The following CORIN variants were observed in gnomAD, a reference collection of about 807,000 sequenced individuals.
CORIN encodes the protein atrial natriuretic peptide-converting enzyme.
Under a neutral mutation model 125.3 loss-of-function variants are expected in CORIN, and 117 were observed. The ratio of observed to expected loss-of-function variants is 0.93; its 90% CI spans 0.80 to 1.09. CORIN has a LOEUF of 1.09. Ranked by LOEUF, CORIN falls within the 50% of genes least tolerant of loss-of-function variation. The probability of loss-of-function intolerance (pLI) is 0.00; values close to 1 mark genes in which losing one functional copy is unlikely to be tolerated. For missense variants in CORIN, 1,253 were observed against 1,306.7 expected (o/e 0.96, Z 0.63); for synonymous variants, 450 against 466.4 (o/e 0.96, Z 0.45).
chr4:47,724,408 T>C (rs181730666), intron 5 of CORIN, among the ~76,000 whole-genome samples: 1 of 152,076 alleles, frequency 6.6e-6, no homozygotes, highest in African/African-American at 2.4e-5. Flanking sequence ...AGGTCCAATA[T>C]TGATGTCATT....
At chr4:47,746,922 T>C (rs1326719105) in intron 4 of CORIN, among the ~76,000 whole-genome samples, 1 of 152,134 alleles carries the variant, frequency 6.6e-6, no homozygotes, top group Non-Finnish European at 1.5e-5. Context: ...CCTACAAATG[T>C]GCATTGAATC....
intron 5 of CORIN, among the ~76,000 whole-genome samples, chr4:47,716,875 C>T (rs6857694): frequency 0.098 from 14,962 of 152,006 alleles, 867 homozygotes; most frequent in East Asian, 0.27. Context: ...CACTTTCATA[C>T]TGTTAAAAAT....
intron 4 of CORIN, among the ~76,000 whole-genome samples, chr4:47,755,657 G>C (rs1729101890): frequency 6.6e-6 from 1 of 152,126 alleles, no homozygotes; most frequent in Admixed American, 6.5e-5. Flanking sequence ...TTTAGTATCT[G>C]TTAGCTGGTT....
intron 5 of CORIN, among the ~76,000 whole-genome samples, chr4:47,715,435 C>T (rs1199892824): frequency 6.6e-6 from 1 of 151,684 alleles, no homozygotes; most frequent in Non-Finnish European, 1.5e-5. Flanking sequence ...GGCGAAACCT[C>T]GTCTCTACTA....
rs542734726 is a variant in CORIN, at chr4:47,740,750, AAGAT to A, written c.799+3648_799+3651del. 6.6e-5 allele frequency among the ~76,000 whole-genome samples: 10 copies of A among 152,062 alleles called. No individual in the cohort carries two copies. The South Asian group carries it at 1.4e-3, about 22-fold the overall frequency. On this transcript the variant is annotated intron_variant, in intron 5 of 21. Coordinates refer to ENST00000273857, the MANE Select transcript of CORIN (RefSeq NM_006587.4). ...GTATTGCAAACTGTGGTAATCAAGA[AAGAT>A]AGATAGATCAATAAAAAATAATTGA...
At chr4:47,690,977 C>A (rs1725739060) in intron 6 of CORIN, among the ~76,000 whole-genome samples, 1 of 152,188 alleles carries the variant, frequency 6.6e-6, no homozygotes, top group South Asian at 2.1e-4. Flanking sequence ...ACCAAAAGAT[C>A]ATTTTTGTGA....
chr4:47,773,924 C>A (rs1730174660), intron 3 of CORIN, among the ~76,000 whole-genome samples: 1 of 151,324 alleles, frequency 6.6e-6, no homozygotes, highest in Non-Finnish European at 1.5e-5. Flanking sequence ...TTATTATATA[C>A]CTTTTGGGGA....
intron 2 of CORIN, among the ~76,000 whole-genome samples, chr4:47,789,741 C>T (rs933884845): frequency 6.6e-6 from 1 of 152,160 alleles, no homozygotes; most frequent in Admixed American, 6.5e-5. Flanking sequence ...TGCTAAGAGG[C>T]CGGGCGCGGT....
In CORIN at chr4:47,757,867, C is replaced by CATATATTATGT. The variant is rs1453930155; in HGVS notation, c.617+5511_617+5512insACATAATATAT. On this transcript the variant is annotated intron_variant, in intron 4 of 21. Transcript: ENST00000273857. ...TGAAATGAGTTTACACATATATATACATATATATATGTATATATATATATA... is the reference window on the plus strand; with the variant it reads ...TGAAATGAGTTTACACATATATATACATATATTATGTATATATATATGTATATATATATATA... Among the ~76,000 whole-genome samples, 101 of 91,728 alleles carry CATATATTATGT rather than the reference C, an allele frequency of 1.1e-3. 1 individual carries two copies. Among genetic ancestry groups the CATATATTATGT allele is most frequent in the Admixed American group, 1.8e-3 (17 of 9,222 alleles). The allele number at this position is 91,728 out of a possible 152,430, so 60.2% of individuals were successfully genotyped here.
intron 5 of CORIN, among the ~76,000 whole-genome samples, chr4:47,726,344 G>C (rs1412274216): frequency 2.6e-5 from 4 of 152,092 alleles, no homozygotes. Flanking sequence ...TTGAGGTACA[G>C]CCATACAATG....
intron 7 of CORIN, chr4:47,682,441 CAAAAAAAAAAAAA>C (rs773064763): frequency 1.5e-5 from 1 of 64,794 alleles, no homozygotes; most frequent in South Asian, 8.2e-4. Context: ...GACTCCATCT[CAAAAAAAAAAAAA>C]AAAAAAAAAG....
intron 5 of CORIN, among the ~76,000 whole-genome samples, chr4:47,709,443 C>G (rs1480337276): frequency 1.3e-5 from 2 of 152,056 alleles, no homozygotes; most frequent in Non-Finnish European, 2.9e-5. Flanking sequence ...CAGGCACCCA[C>G]CACCACACCT....
chr4:47,710,679 T>G (rs1429940465), intron 5 of CORIN, among the ~76,000 whole-genome samples: 1 of 152,228 alleles, frequency 6.6e-6, no homozygotes, highest in Non-Finnish European at 1.5e-5. Flanking sequence ...GCCCAGGCAC[T>G]GGCCCGGCCA....
chr4:47,769,662 T>C (rs1228516514), intron 3 of CORIN, among the ~76,000 whole-genome samples: 1 of 151,988 alleles, frequency 6.6e-6, no homozygotes, highest in Admixed American at 6.6e-5. Context: ...GATATTGGGG[T>C]ATAAGCATAA....
chr4:47,830,499 T>C (rs1182790926), intron 1 of CORIN, among the ~76,000 whole-genome samples: 2 of 152,228 alleles, frequency 1.3e-5, no homozygotes, highest in Non-Finnish European at 2.9e-5. Flanking sequence ...TAGGGTTTAT[T>C]GCTTAGTTAG....
At position 47,706,983 on chromosome 4, in the gene CORIN, G is replaced by A; in HGVS notation, c.800-13900C>T. 5 of 1,562,946 alleles carry A rather than the reference G, an allele frequency of 3.2e-6. No homozygotes were observed. In the South Asian group the frequency reaches 3.5e-5, roughly 11 times the overall value. On this transcript the variant is annotated intron_variant, in intron 5 of 21. Transcript: ENST00000273857. ...AATACTCTCCAGCTCCACCGTTACC[G>A]CTAATACAAGTAAAGTTTGTAAAAT...
In CORIN at chr4:47,623,586, G is replaced by A; in HGVS notation, c.2525C>T (p.Ala842Val). ...LIAKKWVLTV[A>V]HCFEGRENAA... ...TGCAGCTTACCCCTCGAAGCAGTGG[G>A]CAACTGTCAGAACCCACTTCTTGGC... Residue 842 changes from alanine to valine, a missense_variant, in exon 19 of 22, where the codon GCC becomes GTC. Coordinates refer to ENST00000273857, the MANE Select transcript of CORIN (RefSeq NM_006587.4). 1 of 1,614,118 alleles carries A rather than the reference G, an allele frequency of 6.2e-7. No individual in the cohort carries two copies. Among genetic ancestry groups the A allele is most frequent in the South Asian group, 1.1e-5 (1 of 91,082 alleles).
Position 47,623,886 on chromosome 4 carries a change from CTAATTCTCTCACCTT to C in CORIN, c.2363_2365+12del. ...AAGTTCATATCCCATTGCCACACCTCTAATTCTCTCACCTTGTTTAGTACACAGAAGAGAAATTTT... is the reference window on the plus strand; with the variant it reads ...AAGTTCATATCCCATTGCCACACCTCGTTTAGTACACAGAAGAGAAATTTT... On this transcript the variant is annotated splice_donor_variant and splice_donor_5th_base_variant and coding_sequence_variant and intron_variant, in exon 18 of 22. Transcript: ENST00000273857. LOFTEE classifies it high-confidence loss of function. 1 of 1,613,128 alleles carries C rather than the reference CTAATTCTCTCACCTT, an allele frequency of 6.2e-7. No homozygotes were observed. The highest frequency in any genetic ancestry group is 1.1e-5 in the South Asian group (1 of 91,050).
At chr4:47,619,354 A>G (rs1347264858) in intron 19 of CORIN, among the ~76,000 whole-genome samples, 1 of 152,216 alleles carries the variant, frequency 6.6e-6, no homozygotes, top group Non-Finnish European at 1.5e-5. Flanking sequence ...AGGCCCTATC[A>G]AAGTATGGGA....
Sources: allele counts gnomAD v4.1 joint callset (sites outside exome capture counted in the v4.1 genomes callset), GRCh38; gene constraint gnomAD v4.1.1; transcripts MANE v1.5; gene names NCBI Gene and HGNC (gene_info 2026-07-23, HGNC 2026-07-21).